Variants in FRMD5 observed in about 807,000 individuals in gnomAD.
The protein encoded by FRMD5 is FERM domain containing 5, also known as FERM domain-containing protein 5.
In FRMD5, 20 loss-of-function variants were observed where a neutral mutation model predicts 69.0. The observed-to-expected ratio is 0.29, with a 90% confidence interval of 0.20 to 0.42. The LOEUF (loss-of-function observed/expected upper bound fraction) is 0.42, where lower values mean the gene tolerates loss of function less well. FRMD5 is among the 10% of genes least tolerant of loss of function. FRMD5 has a pLI of 1.00. For missense variants in FRMD5, 595 were observed against 708.6 expected (o/e 0.84, Z 1.82); for synonymous variants, 271 against 260.1 (o/e 1.04, Z -0.40).
At chr15:44,171,448 A>G (rs1309617334) in intron 1 of FRMD5, among the ~76,000 whole-genome samples, 4 of 152,216 alleles carry the variant, frequency 2.6e-5, no homozygotes, top group Admixed American at 2.6e-4. Context: ...AGGCTGTATA[A>G]GGAATCCAGT....
chr15:43,973,160 C>A (rs985684188), intron 1 of FRMD5, among the ~76,000 whole-genome samples: 8 of 151,672 alleles, frequency 5.3e-5, no homozygotes, highest in African/African-American at 1.9e-4. Context: ...GTAGCTGGGA[C>A]TACAGACGCC....
intron 1 of FRMD5, among the ~76,000 whole-genome samples, chr15:44,004,388 G>A (rs2140185128): frequency 6.6e-6 from 1 of 152,214 alleles, no homozygotes. Flanking sequence ...ATAAATTGAA[G>A]GTTTGTGGCA....
At chr15:44,070,857 C>T (rs1184938288) in intron 1 of FRMD5, among the ~76,000 whole-genome samples, 1 of 152,178 alleles carries the variant, frequency 6.6e-6, no homozygotes, top group Non-Finnish European at 1.5e-5. Flanking sequence ...GAAAGTTGTT[C>T]CTTCGATTTT....
intron 1 of FRMD5, among the ~76,000 whole-genome samples, chr15:44,025,708 G>C (rs917192203): frequency 2.0e-5 from 3 of 152,116 alleles, no homozygotes; most frequent in African/African-American, 7.2e-5. Context: ...AAGAAAATAG[G>C]GAGTATTAAA....
chr15:44,178,822 A>C (rs1322716750), intron 1 of FRMD5, among the ~76,000 whole-genome samples: 1 of 152,070 alleles, frequency 6.6e-6, no homozygotes, highest in Non-Finnish European at 1.5e-5. Flanking sequence ...GTAAAACTCT[A>C]TCTCTACTAA....
intron 1 of FRMD5, among the ~76,000 whole-genome samples, chr15:43,944,243 A>T (rs1566851300): frequency 6.6e-6 from 1 of 152,216 alleles, no homozygotes; most frequent in Non-Finnish European, 1.5e-5. Context: ...AGGGCATCAC[A>T]TGATCATGGG....
At chr15:44,194,888 C>A (rs920518824) in intron 1 of FRMD5, 65 bp downstream of exon 1, 7 of 1,394,558 alleles carry the variant, frequency 5.0e-6, no homozygotes, top group Admixed American at 4.0e-5. Flanking sequence ...CCGCCGCCGG[C>A]CAAGTTGACC....
At chr15:44,091,635 C>T (rs1249800096) in intron 1 of FRMD5, among the ~76,000 whole-genome samples, 1 of 152,126 alleles carries the variant, frequency 6.6e-6, no homozygotes, top group Non-Finnish European at 1.5e-5. Flanking sequence ...TCTTATAGTG[C>T]TAAGTTCCAG....
chr15:43,991,036 G>C (rs920109991), intron 1 of FRMD5, among the ~76,000 whole-genome samples: 1 of 152,168 alleles, frequency 6.6e-6, no homozygotes, highest in African/African-American at 2.4e-5. Context: ...TTTTCTTTCT[G>C]CAAGTCCTAA....
intron 1 of FRMD5, among the ~76,000 whole-genome samples, chr15:44,070,127 G>A (rs907451242): frequency 6.6e-6 from 1 of 152,028 alleles, no homozygotes; most frequent in Non-Finnish European, 1.5e-5. Context: ...TTATTCTCAA[G>A]GGAATGTGAT....
chr15:44,164,300 T>C (rs1490969236), intron 1 of FRMD5, among the ~76,000 whole-genome samples: 1 of 152,204 alleles, frequency 6.6e-6, no homozygotes, highest in Non-Finnish European at 1.5e-5. Flanking sequence ...TTTTTTGCAT[T>C]ATAAGAAAAA....
intron 1 of FRMD5, among the ~76,000 whole-genome samples, chr15:43,990,604 A>G (rs1442970568): frequency 6.6e-6 from 1 of 152,248 alleles, no homozygotes; most frequent in Admixed American, 6.5e-5. Flanking sequence ...ATTAGTGTGC[A>G]AAGCAAAAAC....
In FRMD5 at chr15:43,874,481, CAT is replaced by C; in HGVS notation, c.1136-21_1136-20del. ...TCTAGGCCTAGAAAGGCAAAAGGAA[CAT>C]GAGTAGGCTGTGTCCCAATGCACCC... On this transcript the variant is annotated intron_variant, in intron 13 of 13. Transcript: ENST00000417257. 6.3e-7 allele frequency: 1 copy of C among 1,594,282 alleles called. No homozygotes were observed. Among genetic ancestry groups the C allele is most frequent in the Non-Finnish European group, 8.6e-7 (1 of 1,162,314 alleles).
chr15:44,166,455 T>C (rs2077710169), intron 1 of FRMD5, among the ~76,000 whole-genome samples: 1 of 152,192 alleles, frequency 6.6e-6, no homozygotes, highest in African/African-American at 2.4e-5. Flanking sequence ...TGGATCTTTT[T>C]CTTTTTTATT....
intron 1 of FRMD5, among the ~76,000 whole-genome samples, chr15:44,140,816 G>A (rs144178035): frequency 3.4e-5 from 5 of 148,150 alleles, no homozygotes; most frequent in East Asian, 2.0e-4. Context: ...CCAGGAGATC[G>A]AGGCTGCAAT....
At chr15:44,006,226 AAAC>A (rs1182475339) in intron 1 of FRMD5, among the ~76,000 whole-genome samples, 2 of 152,204 alleles carry the variant, frequency 1.3e-5, no homozygotes, top group African/African-American at 4.8e-5. Flanking sequence ...TCTATAAATG[AAAC>A]AACAAAGCAT....
rs144768938 is a variant in FRMD5, at chr15:43,896,151, C to T, written c.640-4082G>A. Among the ~76,000 whole-genome samples the T allele has an allele frequency of 4.6e-5, 7 of 152,196 alleles. No individual in the cohort carries two copies. In the East Asian group the frequency reaches 5.8e-4, roughly 13 times the overall value. ...CAAACTAGGGTCCTGATAGCTATGC[C>T]GTGGATATCGCCAGCTACACTCTGC... On this transcript the variant is annotated intron_variant, in intron 7 of 13. Coordinates refer to ENST00000417257, the MANE Select transcript of FRMD5 (RefSeq NM_032892.5).
chr15:44,007,832 C>T (rs1325077566), intron 1 of FRMD5, among the ~76,000 whole-genome samples: 1 of 151,520 alleles, frequency 6.6e-6, no homozygotes, highest in Non-Finnish European at 1.5e-5. Context: ...TCAGTAGAGA[C>T]GGGGTTTCTC....
At chr15:43,929,634 C>T (rs949439133) in intron 1 of FRMD5, among the ~76,000 whole-genome samples, 2 of 152,084 alleles carry the variant, frequency 1.3e-5, no homozygotes, top group African/African-American at 2.4e-5. Context: ...AGTGGGCACC[C>T]GTAGCCCAAA....
Sources: allele counts gnomAD v4.1 joint callset (sites outside exome capture counted in the v4.1 genomes callset), GRCh38; gene constraint gnomAD v4.1.1; transcripts MANE v1.5; gene names NCBI Gene and HGNC (gene_info 2026-07-23, HGNC 2026-07-21).